CLBA1: variants seen among roughly 807,000 people sequenced by gnomAD.
CLBA1 encodes the protein uncharacterized protein CLBA1.
Under a neutral mutation model 28.8 loss-of-function variants are expected in CLBA1, and 30 were observed. The observed-to-expected ratio is 1.04, with a 90% confidence interval of 0.78 to 1.41. The LOEUF (loss-of-function observed/expected upper bound fraction) is 1.41. CLBA1 is among the 40% of genes most tolerant of loss of function. The pLI, the probability that CLBA1 is intolerant of heterozygous loss-of-function variation, is 0.00. For synonymous variants in CLBA1, 160 were observed against 152.8 expected (o/e 1.05, Z -0.35); for missense variants, 451 against 412.3 (o/e 1.09, Z -0.81).
At chr14:104,993,114 A>G in intron 4 of CLBA1, 50 bp downstream of exon 4, 5 of 1,579,202 alleles carry the variant, frequency 3.2e-6, no homozygotes, top group Non-Finnish European at 3.4e-6. Flanking sequence ...GGCGGTGTCC[A>G]CACATGTGGA....
chr14:104,994,874 G>C lies in CLBA1; in HGVS notation c.*115G>C. 1 of 1,465,636 alleles carries C rather than the reference G, an allele frequency of 6.8e-7. No homozygotes were observed. Among genetic ancestry groups the C allele is most frequent in the South Asian group, 1.4e-5 (1 of 70,906 alleles). The allele number at this position is 1,465,636 out of a possible 1,614,324, so 90.8% of individuals were successfully genotyped here. ...TTTCCAGACCCCAGGCCCATTCCTG[G>C]GATCTCTCCAACAGGACCTGTCCTG... On this transcript the variant is annotated 3_prime_UTR_variant, in exon 5 of 5. Coordinates refer to ENST00000547315, the MANE Select transcript of CLBA1 (RefSeq NM_174891.4).
chr14:104,993,124 A>C (rs201948594), intron 4 of CLBA1, 60 bp downstream of exon 4: 199 of 1,563,036 alleles, frequency 1.3e-4, no homozygotes, highest in Non-Finnish European at 1.6e-4. Flanking sequence ...ACACATGTGG[A>C]GCCCTCCGCT....
intron 4 of CLBA1, chr14:104,993,511 C>T (rs1049295024): frequency 1.0e-6 from 1 of 985,332 alleles, no homozygotes; most frequent in Non-Finnish European, 1.2e-6. Context: ...CAGGGTCTGC[C>T]CACAGCTTTT....
chr14:104,994,448 G>T, intron 4 of CLBA1, 150 bp from the exon 5 acceptor site: 1 of 1,409,566 alleles, frequency 7.1e-7, no homozygotes, highest in Non-Finnish European at 9.2e-7. Flanking sequence ...CCTCTCTGGT[G>T]ACATCCCATG....
intron 3 of CLBA1, 138 bp from the exon 4 acceptor site, chr14:104,992,810 A>G (rs1900071109): frequency 1.3e-6 from 1 of 792,280 alleles, no homozygotes; most frequent in Non-Finnish European, 2.2e-6. Flanking sequence ...CACAGGGGAA[A>G]CTGGTGCGCT....
At chr14:104,991,364 C>T (rs1900013375) in intron 2 of CLBA1, 127 bp from the exon 3 acceptor site, 11 of 1,170,558 alleles carry the variant, frequency 9.4e-6, no homozygotes, top group Non-Finnish European at 1.3e-5. Context: ...CCATACGCCT[C>T]TTGGCTTGTG....
At chr14:104,991,185 C>T (rs796287040) in intron 2 of CLBA1, 11 of 249,022 alleles carry the variant, frequency 4.4e-5, no homozygotes, top group African/African-American at 2.1e-4. Flanking sequence ...TCACCACGCC[C>T]GGCTATTTTT....
rs1013786532 is a variant in CLBA1, at chr14:104,989,090, T to A, written c.569+2T>A. 1 of 1,602,452 alleles carries A rather than the reference T, an allele frequency of 6.2e-7. No individual in the cohort carries two copies. Among genetic ancestry groups the A allele is most frequent in the Admixed American group, 1.7e-5 (1 of 57,662 alleles). On this transcript the variant is annotated splice_donor_variant, in intron 2 of 4. Coordinates refer to ENST00000547315, the MANE Select transcript of CLBA1 (RefSeq NM_174891.4). LOFTEE classifies it high-confidence loss of function. ...CGTTGAACGTGTACATAAATTGTGG[T>A]AATGAACTGAAGAAATATTTCTTAC...
downstream of CLBA1, among the ~76,000 whole-genome samples, chr14:104,996,116 T>TG: frequency 6.6e-6 from 1 of 152,342 alleles, no homozygotes; most frequent in South Asian, 2.1e-4. Flanking sequence ...GCTCCTCACC[T>TG]GGCTGGATGT....
downstream of CLBA1, among the ~76,000 whole-genome samples, chr14:105,000,044 C>G (rs1166684535): frequency 6.6e-6 from 1 of 152,174 alleles, no homozygotes; most frequent in East Asian, 1.9e-4. Flanking sequence ...ACTCCTGATT[C>G]AAACAAACCA....
rs1900076467 is a variant in CLBA1 at position 104,992,952 on chromosome 14, T to C, written c.704T>C (p.Leu235Pro). The C allele has an allele frequency of 2.5e-6, 4 of 1,613,350 alleles. No homozygotes were observed. Among genetic ancestry groups the C allele is most frequent in the Non-Finnish European group, 2.5e-6 (3 of 1,179,292 alleles). ...TGATGGGGTCTGTCTCCTTAGAACCTTTCTGGAGGCCAGGGCCACATCATG... is the reference window on the plus strand; with the variant it reads ...TGATGGGGTCTGTCTCCTTAGAACCCTTCTGGAGGCCAGGGCCACATCATG... Reference protein sequence around the residue: ...VLGIDAAQKNLSGGQGHIMED... With the variant: ...VLGIDAAQKNPSGGQGHIMED... The change falls in exon 4 of 5, where the codon CTT becomes CCT. Residue 235 changes from leucine (L) to proline (P), a missense_variant. By Grantham distance (98) the Leu-to-Pro change is moderately conservative. Transcript: ENST00000547315.
chr14:104,987,606 C>CTTTTT (rs869117577), intron 1 of CLBA1, among the ~76,000 whole-genome samples: 1,424 of 60,276 alleles, frequency 0.024, 62 homozygotes, highest in African/African-American at 0.037. Context: ...TCTTCCTTTT[C>CTTTTT]TTTTTTTTTT....
chr14:104,989,570 C>G (rs760923465), intron 2 of CLBA1: 3 of 455,728 alleles, frequency 6.6e-6, no homozygotes, highest in Non-Finnish European at 1.3e-5. Context: ...GTGCTGCCTG[C>G]AGGGCCACAG....
chr14:104,996,755 C>A (rs973769023), downstream of CLBA1, among the ~76,000 whole-genome samples: 2 of 152,218 alleles, frequency 1.3e-5, no homozygotes, highest in Non-Finnish European at 2.9e-5. Flanking sequence ...AGGCTGATGT[C>A]CAGAATCACT....
intron 1 of CLBA1, among the ~76,000 whole-genome samples, chr14:104,987,680 C>G (rs1802889222): frequency 8.1e-6 from 1 of 123,914 alleles, no homozygotes; most frequent in South Asian, 2.7e-4. Flanking sequence ...TGCAGTGGCA[C>G]TGTGTCGGCT....
intron 2 of CLBA1, among the ~76,000 whole-genome samples, chr14:105,001,067 T>TAAAAAAAAA (rs71454491): frequency 7.9e-6 from 1 of 126,306 alleles, no homozygotes; most frequent in Non-Finnish European, 1.6e-5. Context: ...TATTCAGCTG[T>TAAAAAAAAA]AAAAAAAAAA....
intron 2 of CLBA1, chr14:104,989,943 C>T (rs1032254359): frequency 6.1e-6 from 2 of 328,306 alleles, no homozygotes; most frequent in South Asian, 2.4e-5. Flanking sequence ...CAACCAGCAC[C>T]TGCCCCAGGG....
In CLBA1 at chr14:104,986,146, G is replaced by C. The variant is rs897211760; in HGVS notation, c.-286G>C. ...ACCTTGGGCCGCCCCTCTCACACCT[G>C]CCGTGGGTCTGGTACGCGCCTCTGT... On this transcript the variant is annotated 5_prime_UTR_variant, in exon 1 of 5. Transcript: ENST00000547315. 1 of 491,396 alleles carries C rather than the reference G, an allele frequency of 2.0e-6. No homozygotes were observed. Among genetic ancestry groups the C allele is most frequent in the Non-Finnish European group, 3.7e-6 (1 of 268,214 alleles). The allele number at this position is 491,396 out of a possible 1,614,324, so 30.4% of individuals were successfully genotyped here. A position where few individuals can be genotyped will look rare whatever the true frequency, so the allele number is the denominator to read the frequency against.
chr14:104,998,260 A>C (rs544842451), downstream of CLBA1, among the ~76,000 whole-genome samples: 1 of 151,966 alleles, frequency 6.6e-6, no homozygotes, highest in East Asian at 1.9e-4. Context: ...AGTAAAAAAA[A>C]AAAATTAGCC....
Sources: gnomAD v4.1 joint callset for allele counts (sites outside exome capture counted in the v4.1 genomes callset) on GRCh38, gnomAD v4.1.1 for gene constraint, MANE v1.5 for transcripts, NCBI Gene and HGNC (gene_info 2026-07-23, HGNC 2026-07-21) for gene names.